The following NSRP1 variants were observed in gnomAD, a reference collection of about 807,000 sequenced individuals.
The protein encoded by NSRP1 is nuclear speckle splicing regulatory protein 1.
Under a neutral mutation model 54.7 loss-of-function variants are expected in NSRP1, and 24 were observed. That is an observed-to-expected ratio of 0.44 (90% confidence interval 0.32 to 0.62). NSRP1 has a LOEUF of 0.62. Among genes scored for constraint, NSRP1 ranks in the 20% least tolerant of loss-of-function variants. The pLI is 0.06. For missense variants in NSRP1, 596 were observed against 651.2 expected, an observed-to-expected ratio of 0.92 and a Z score of 0.92; for synonymous variants, 210 against 213.8, an observed-to-expected ratio of 0.98 and a Z score of 0.15.
chr17:30,129,719 A>C (rs79903012), intron 2 of NSRP1, among the ~76,000 whole-genome samples: 3,318 of 152,278 alleles, frequency 0.022, 51 homozygotes, highest in Non-Finnish European at 0.032. Context: ...GTGGTTTTTC[A>C]TCAGTTTTAA....
At chr17:30,134,291 A>T (rs2071728853) in intron 2 of NSRP1, among the ~76,000 whole-genome samples, 1 of 152,376 alleles carries the variant, frequency 6.6e-6, no homozygotes, top group Admixed American at 6.5e-5. Context: ...ATTACAGATC[A>T]TTGTAACATG....
chr17:30,179,242 A>C lies in NSRP1; in HGVS notation c.453A>C (p.Lys151Asn). ...TTGTGACATCTGCATATAAGAAAAA[A>C]CTGCAAGAGAGAGCTGAAGAAGAAG... The part of the protein sequence containing the change: ...EAFVTSAYKK[K>N]LQERAEEEER... Residue 151 changes from lysine (K) to asparagine (N), a missense_variant, in exon 5 of 7, where the codon AAA becomes AAC. Lys to Asn is a moderately conservative substitution (Grantham distance 94, BLOSUM62 0). Transcript: ENST00000247026. The C allele has an allele frequency of 6.2e-7, 1 of 1,606,660 alleles. No individual in the cohort carries two copies. Among genetic ancestry groups the C allele is most frequent in the Non-Finnish European group, 8.5e-7 (1 of 1,176,080 alleles).
chr17:30,139,169 A>G (rs2071780371), intron 2 of NSRP1, among the ~76,000 whole-genome samples: 2 of 149,794 alleles, frequency 1.3e-5, no homozygotes, highest in Admixed American at 1.3e-4. Context: ...CAACCGCCTC[A>G]GCCTCCCAAA....
intron 2 of NSRP1, among the ~76,000 whole-genome samples, chr17:30,172,291 A>C (rs889974250): frequency 7.2e-5 from 11 of 152,148 alleles, no homozygotes; most frequent in African/African-American, 2.4e-4. Flanking sequence ...AGCATCCCAA[A>C]TCTGAAAATC....
At chr17:30,156,732 T>G (rs1167107183) in intron 2 of NSRP1, 3 of 152,400 alleles carry the variant, frequency 2.0e-5, no homozygotes, top group Non-Finnish European at 2.9e-5. Flanking sequence ...TTGATCAGGC[T>G]GGTCTCGAAC....
At chr17:30,149,238 T>TG (rs2143003256) in intron 2 of NSRP1, among the ~76,000 whole-genome samples, 1 of 152,294 alleles carries the variant, frequency 6.6e-6, no homozygotes, top group South Asian at 2.1e-4. Context: ...AAAATAGAGA[T>TG]GGGGTCTTGC....
rs185142681 is a variant in NSRP1 at position 30,176,744 on chromosome 17, G to A, written c.172-1327G>A. Among the ~76,000 whole-genome samples the A allele has an allele frequency of 1.9e-4, 29 of 152,056 alleles. No individual in the cohort carries two copies. The East Asian group carries it at 5.6e-3, about 29-fold the overall frequency. On this transcript the variant is annotated intron_variant, in intron 3 of 6. Coordinates refer to ENST00000247026, the MANE Select transcript of NSRP1 (RefSeq NM_032141.4). ...CTGGTTTTGGGGAGTGAGCAGGAGT[G>A]CCAATTCAACATCTAGGCAGGAGAA...
intron 3 of NSRP1, among the ~76,000 whole-genome samples, chr17:30,177,314 G>A (rs549181742): frequency 3.3e-5 from 5 of 152,002 alleles, no homozygotes; most frequent in African/African-American, 1.2e-4. Flanking sequence ...AGAGGTTGCA[G>A]TGAGCCAAGA....
chr17:30,170,800 G>C (rs1904903502), intron 2 of NSRP1, among the ~76,000 whole-genome samples: 1 of 152,182 alleles, frequency 6.6e-6, no homozygotes, highest in South Asian at 2.1e-4. Flanking sequence ...TATGCCAAGA[G>C]GGATTGCTAG....
intron 2 of NSRP1, among the ~76,000 whole-genome samples, chr17:30,160,299 G>A (rs1317743341): frequency 6.6e-6 from 1 of 152,042 alleles, no homozygotes; most frequent in African/African-American, 2.4e-5. Context: ...CCTTTGTCTG[G>A]TTTTGGTTTC....
chr17:30,143,124 A>G (rs1198241095), intron 2 of NSRP1, among the ~76,000 whole-genome samples: 1 of 152,110 alleles, frequency 6.6e-6, no homozygotes, highest in Admixed American at 6.6e-5. Context: ...ACCCATTCCA[A>G]CTTTACCATA....
intron 1 of NSRP1, chr17:30,117,356 A>G (rs1231710266): frequency 3.8e-6 from 2 of 528,976 alleles, no homozygotes; most frequent in African/African-American, 1.9e-5. Context: ...AAATTGGGGT[A>G]TACGTTGCCG....
chr17:30,136,557 A>C (rs756240518), intron 2 of NSRP1, among the ~76,000 whole-genome samples: 1 of 152,216 alleles, frequency 6.6e-6, no homozygotes, highest in African/African-American at 2.4e-5. Context: ...TGGTGTTACC[A>C]GAAAGTGTCA....
chr17:30,151,252 T>C (rs996099759), intron 2 of NSRP1, among the ~76,000 whole-genome samples: 5 of 152,142 alleles, frequency 3.3e-5, no homozygotes, highest in Non-Finnish European at 4.4e-5. Context: ...GGCTGCAAGT[T>C]CCATAACAGA....
chr17:30,168,784 C>G (rs1374666891), intron 2 of NSRP1: 3 of 151,738 alleles, frequency 2.0e-5, no homozygotes, highest in Non-Finnish European at 2.9e-5. Context: ...TACTGCTACT[C>G]TTTTAAGCTT....
rs202103242 is a variant in NSRP1 at position 30,118,090 on chromosome 17, A to G, written c.31A>G (p.Ile11Val). ...AAAAAATATATGCAGGTATGGGCTT[A>G]TTTTGCCAAAGAAAACACAGCAGTT... is the stretch of plus-strand genomic sequence containing the variant. The part of the protein sequence containing the change: MAIPGRQYGL[I>V]LPKKTQQLHP... Residue 11 changes from isoleucine to valine, a missense_variant, in exon 2 of 7, where the codon ATT (isoleucine) becomes GTT (valine). Ile to Val is a conservative substitution (Grantham distance 29, BLOSUM62 3). Coordinates refer to ENST00000247026, the MANE Select transcript of NSRP1 (RefSeq NM_032141.4). The G allele has an allele frequency of 1.4e-5, 23 of 1,613,602 alleles. No individual in the cohort carries two copies. Among genetic ancestry groups the G allele is most frequent in the Non-Finnish European group, 1.5e-5 (18 of 1,179,756 alleles).
intron 2 of NSRP1, among the ~76,000 whole-genome samples, chr17:30,118,392 C>T (rs1054670189): frequency 3.9e-5 from 6 of 152,106 alleles, no homozygotes; most frequent in Admixed American, 2.0e-4. Flanking sequence ...AACAAATACA[C>T]GGTCTTTTCA....
chr17:30,147,198 G>A (rs560801857), intron 2 of NSRP1, among the ~76,000 whole-genome samples: 69 of 148,296 alleles, frequency 4.7e-4, no homozygotes, highest in African/African-American at 1.6e-3. Context: ...GTGCGATCTC[G>A]GCTCACTGCA....
At chr17:30,173,153 G>A (rs1226465417) in intron 3 of NSRP1, among the ~76,000 whole-genome samples, 3 of 151,958 alleles carry the variant, frequency 2.0e-5, no homozygotes, top group South Asian at 2.1e-4. Flanking sequence ...TAGTAGAGAC[G>A]GGGTTTCACC....
Sources: gnomAD v4.1 joint callset for allele counts (sites outside exome capture counted in the v4.1 genomes callset) on GRCh38, gnomAD v4.1.1 for gene constraint, MANE v1.5 for transcripts, NCBI Gene and HGNC (gene_info 2026-07-23, HGNC 2026-07-21) for gene names.